Variants in GREM2 observed in about 807,000 individuals in gnomAD.
GREM2 encodes gremlin 2, DAN family BMP antagonist.
In GREM2, 11 loss-of-function variants were observed where a neutral mutation model predicts 14.2. That is an observed-to-expected ratio of 0.78 (90% confidence interval 0.49 to 1.28). The LOEUF (loss-of-function observed/expected upper bound fraction) is 1.28, where lower values mean the gene tolerates loss of function less well. Ranked by LOEUF, GREM2 falls within the 50% of genes most tolerant of loss-of-function variation. The pLI is 0.00. For synonymous variants in GREM2, 98 were observed against 97.6 expected (o/e 1.00, Z -0.02); for missense variants, 210 against 218.5 (o/e 0.96, Z 0.24).
At chr1:240,530,806 A>T (rs1377618118) in intron 1 of GREM2, 1 of 152,242 alleles carries the variant, frequency 6.6e-6, no homozygotes, top group African/African-American at 2.4e-5. Context: ...TTTTCCTTGA[A>T]TCTAAAGGAC....
At chr1:240,606,962 G>C (rs921149910) in intron 1 of GREM2, among the ~76,000 whole-genome samples, 2 of 152,198 alleles carry the variant, frequency 1.3e-5, no homozygotes, top group Non-Finnish European at 2.9e-5. Flanking sequence ...ACAGGCGTGA[G>C]CCACTGAGCC....
intron 1 of GREM2, among the ~76,000 whole-genome samples, chr1:240,554,709 T>G (rs943455119): frequency 6.6e-6 from 1 of 152,174 alleles, no homozygotes; most frequent in Non-Finnish European, 1.5e-5. Context: ...TGCACAATGG[T>G]TTTCATGTAT....
At chr1:240,547,536 G>T (rs200512288) in intron 1 of GREM2, among the ~76,000 whole-genome samples, 22 of 119,174 alleles carry the variant, frequency 1.8e-4, no homozygotes, top group African/African-American at 8.6e-4. Context: ...TATATATATA[G>T]ATAGATAGAT....
intron 1 of GREM2, among the ~76,000 whole-genome samples, chr1:240,511,042 GTTAA>G (rs1314704921): frequency 6.6e-6 from 1 of 152,190 alleles, no homozygotes; most frequent in Non-Finnish European, 1.5e-5. Flanking sequence ...GTTCAAAGTA[GTTAA>G]TTATTCTTCT....
Position 240,543,404 on chromosome 1 carries a change from A to G in GREM2, c.-1-49928T>C, listed in dbSNP as rs1021461756. Reference sequence around the variant, plus strand: ...AATGAGGAGCAAAATCACGTCTTACATGGTGGTAAGCAGGAGAGTTTGTTC... The same window carrying G: ...AATGAGGAGCAAAATCACGTCTTACGTGGTGGTAAGCAGGAGAGTTTGTTC... On this transcript the variant is annotated intron_variant, in intron 1 of 1. Coordinates refer to ENST00000318160, the MANE Select transcript of GREM2 (RefSeq NM_022469.4). This position sits in a 1 kb window ranked among gnomAD's most constrained non-coding sequence, Gnocchi z 6.4. Among the ~76,000 whole-genome samples the G allele has an allele frequency of 1.3e-5, 2 of 152,234 alleles. No homozygotes were observed. The highest frequency in any genetic ancestry group is 2.9e-5 in the Non-Finnish European group (2 of 68,036).
At chr1:240,494,032 G>A (rs925806622) in intron 1 of GREM2, among the ~76,000 whole-genome samples, 5 of 152,268 alleles carry the variant, frequency 3.3e-5, no homozygotes, top group Non-Finnish European at 7.3e-5. Context: ...AAACACGCGT[G>A]TTGAACAGTT....
chr1:240,564,394 A>G (rs898575099), intron 1 of GREM2, among the ~76,000 whole-genome samples: 27 of 151,332 alleles, frequency 1.8e-4, no homozygotes, highest in African/African-American at 6.3e-4. Context: ...TGTAGTCCCA[A>G]CTACTTGGGA....
At chr1:240,536,078 G>GA (rs1678464168) in intron 1 of GREM2, among the ~76,000 whole-genome samples, 1 of 1,150 alleles carries the variant, frequency 8.7e-4, no homozygotes, top group South Asian at 0.011. Flanking sequence ...AGACTGGTAA[G>GA]ACAAGAGGAA....
intron 1 of GREM2, among the ~76,000 whole-genome samples, chr1:240,527,019 T>A (rs1407390031): frequency 6.6e-6 from 1 of 152,038 alleles, no homozygotes; most frequent in African/African-American, 2.4e-5. Flanking sequence ...CCCAGACTAG[T>A]GAGATGGCTG....
At chr1:240,580,623 G>A (rs1053698251) in intron 1 of GREM2, among the ~76,000 whole-genome samples, 5 of 152,132 alleles carry the variant, frequency 3.3e-5, no homozygotes, top group African/African-American at 1.2e-4. Flanking sequence ...CACCCAGGTT[G>A]AACTGCAGTG....
At chr1:240,554,738 CAT>C (rs1382252422) in intron 1 of GREM2, among the ~76,000 whole-genome samples, 1 of 152,206 alleles carries the variant, frequency 6.6e-6, no homozygotes, top group African/African-American at 2.4e-5. Flanking sequence ...GTTTTTATCT[CAT>C]TCCAATAATT....
intron 1 of GREM2, among the ~76,000 whole-genome samples, chr1:240,509,090 T>C (rs1241930579): frequency 6.6e-6 from 1 of 152,130 alleles, no homozygotes; most frequent in Non-Finnish European, 1.5e-5. Context: ...ATGTTTAGAG[T>C]AGAGGACTTC....
In GREM2 at chr1:240,493,005, G is replaced by A. The variant is rs1386322723; in HGVS notation, c.471C>T (p.Cys157=). ...KKIQKVKQCR[C]MSVNLSDSDK... ...CCGAGTCGCTCAGGTTCACGGACAT[G>A]CACCGGCACTGCTTCACCTTCTGGA... Residue 157 remains cysteine, a synonymous_variant, in exon 2 of 2, where the codon TGC becomes TGT. Coordinates refer to ENST00000318160, the MANE Select transcript of GREM2 (RefSeq NM_022469.4). 17 of 1,572,780 alleles carry A rather than the reference G, an allele frequency of 1.1e-5. No homozygotes were observed. In the Middle Eastern group the frequency reaches 5.1e-4, roughly 47 times the overall value.
Position 240,596,324 on chromosome 1 carries a change from A to G in GREM2, c.-2+15560T>C, listed in dbSNP as rs1679817431. ...GGAAAAGTTAAGGAAATGCGAAACTATAGAGGAATTACTCAACTTTTCTGT... is the reference window on the plus strand; with the variant it reads ...GGAAAAGTTAAGGAAATGCGAAACTGTAGAGGAATTACTCAACTTTTCTGT... On this transcript the variant is annotated intron_variant, in intron 1 of 1. Coordinates refer to ENST00000318160, the MANE Select transcript of GREM2 (RefSeq NM_022469.4). Among the ~76,000 whole-genome samples, 2 of 152,232 alleles carry G rather than the reference A, an allele frequency of 1.3e-5. 1 individual carries two copies. Among genetic ancestry groups the G allele is most frequent in the South Asian group, 4.1e-4 (2 of 4,834 alleles).
Position 240,493,395 on chromosome 1 carries a change from C to T in GREM2, c.81G>A (p.Ala27=). 12 of 1,613,504 alleles carry T rather than the reference C, an allele frequency of 7.4e-6. No individual in the cohort carries two copies. Among genetic ancestry groups the T allele is most frequent in the Non-Finnish European group, 1.0e-5 (12 of 1,179,912 alleles). Residue 27 remains alanine (A), a synonymous_variant, in exon 2 of 2, where the codon GCG becomes GCA. Coordinates refer to ENST00000318160, the MANE Select transcript of GREM2 (RefSeq NM_022469.4). ...CCTTGTAAGGCGAGGGGATGGCGCC[C>T]GCCGGCCGGTTCTTCCGGGCTTCCG... The part of the protein sequence containing the change: ...KVAEARKNRP[A]GAIPSPYKDG...
intron 1 of GREM2, among the ~76,000 whole-genome samples, chr1:240,544,983 T>C (rs553235594): frequency 2.6e-4 from 39 of 152,340 alleles, no homozygotes; most frequent in Admixed American, 1.8e-3. Flanking sequence ...AATACATATT[T>C]GGTCCTCCAC....
intron 1 of GREM2, among the ~76,000 whole-genome samples, chr1:240,495,004 A>G (rs1194854824): frequency 6.6e-6 from 1 of 152,258 alleles, no homozygotes; most frequent in Non-Finnish European, 1.5e-5. Context: ...AGACTATGAC[A>G]CAAATTCAAT....
chr1:240,569,571 A>C (rs1333611009), intron 1 of GREM2, among the ~76,000 whole-genome samples: 1 of 152,206 alleles, frequency 6.6e-6, no homozygotes, highest in Non-Finnish European at 1.5e-5. Context: ...ATTTTTGACA[A>C]AGATGTAAAG....
intron 1 of GREM2, among the ~76,000 whole-genome samples, chr1:240,593,710 A>G (rs1387596277): frequency 6.6e-6 from 1 of 152,166 alleles, no homozygotes; most frequent in Non-Finnish European, 1.5e-5. Context: ...GTCCTGGTGC[A>G]TAGTACTTTC....
Sources: gnomAD v4.1 joint callset for allele counts (sites outside exome capture counted in the v4.1 genomes callset) on GRCh38, gnomAD v4.1.1 for gene constraint, Gnocchi (gnomAD v3.1) non-coding constraint, MANE v1.5 for transcripts, NCBI Gene and HGNC (gene_info 2026-07-23, HGNC 2026-07-21) for gene names.